The following GLIS3 variants were observed in gnomAD, a reference collection of about 807,000 sequenced individuals.
GLIS3 encodes zinc finger protein GLIS3.
Under a neutral mutation model 78.6 loss-of-function variants are expected in GLIS3, and 53 were observed. The ratio of observed to expected loss-of-function variants is 0.67; its 90% CI spans 0.54 to 0.85. GLIS3 has a LOEUF of 0.85. GLIS3 is among the 40% of genes least tolerant of loss of function. GLIS3 has a pLI of 0.00. For synonymous variants in GLIS3, 684 were observed against 509.9 expected (o/e 1.34, Z -4.60); for missense variants, 1,703 against 1,231.1 (o/e 1.38, Z -5.74).
chr9:4,379,398 A>C, the GLIS3 span, among the ~76,000 whole-genome samples: 1 of 152,268 alleles, frequency 6.6e-6, no homozygotes, highest in African/African-American at 2.4e-5. Context: ...TTCAAATGCT[A>C]AAGATAACAA....
At chr9:4,330,777 C>A (rs1817673897) in intron 2 of GLIS3, among the ~76,000 whole-genome samples, 2 of 152,080 alleles carry the variant, frequency 1.3e-5, no homozygotes, top group Admixed American at 1.3e-4. Context: ...GGACTGGACT[C>A]AGGAGATAAC....
the GLIS3 span, among the ~76,000 whole-genome samples, chr9:4,367,806 T>C: frequency 6.6e-6 from 1 of 152,202 alleles, no homozygotes. Flanking sequence ...ATTTATTATA[T>C]GCCAAATATG....
At chr9:3,874,114 G>T (rs1460762886) in intron 8 of GLIS3, among the ~76,000 whole-genome samples, 1 of 152,264 alleles carries the variant, frequency 6.6e-6, no homozygotes, top group Admixed American at 6.5e-5. Context: ...CTGCCTGAAA[G>T]AATGAGACTG....
At chr9:4,323,749 C>T (rs913526864) in intron 2 of GLIS3, among the ~76,000 whole-genome samples, 5 of 152,186 alleles carry the variant, frequency 3.3e-5, no homozygotes, top group African/African-American at 1.2e-4. Context: ...ACTGGAAGCT[C>T]CTTAAAGGCA....
chr9:3,979,128 G>A (rs969597686), intron 4 of GLIS3, among the ~76,000 whole-genome samples: 1 of 152,016 alleles, frequency 6.6e-6, no homozygotes, highest in East Asian at 1.9e-4. Context: ...TGTTCTAATG[G>A]GTAGAGAATA....
chr9:4,381,868 C>T, the GLIS3 span, among the ~76,000 whole-genome samples: 14 of 152,194 alleles, frequency 9.2e-5, no homozygotes, highest in East Asian at 2.7e-3. Flanking sequence ...CTGGAAGTAG[C>T]TGTGCCCCTT....
chr9:3,900,488 C>A (rs946555048), intron 6 of GLIS3, among the ~76,000 whole-genome samples: 10 of 151,872 alleles, frequency 6.6e-5, no homozygotes, highest in Middle Eastern at 3.4e-3. Flanking sequence ...ATTTGTACCC[C>A]CCCCAAAATA....
At chr9:4,333,341 GA>G (rs1386080360) in intron 2 of GLIS3, among the ~76,000 whole-genome samples, 1 of 150,038 alleles carries the variant, frequency 6.7e-6, no homozygotes, top group Non-Finnish European at 1.5e-5. Flanking sequence ...GGAAAGGAAA[GA>G]AAAAAGGGAA....
the GLIS3 span, among the ~76,000 whole-genome samples, chr9:4,419,336 G>C: frequency 6.6e-6 from 1 of 152,124 alleles, no homozygotes; most frequent in Admixed American, 6.5e-5. Flanking sequence ...AACTTAAAAA[G>C]AAAAGAGGTT....
chr9:4,162,193 C>T (rs925380264), intron 2 of GLIS3, among the ~76,000 whole-genome samples: 1 of 152,154 alleles, frequency 6.6e-6, no homozygotes, highest in African/African-American at 2.4e-5. Context: ...ACCCTGCATT[C>T]TTGTCTCTGT....
chr9:3,932,400 A>G lies in GLIS3; in HGVS notation c.1943T>C (p.Val648Ala). The G allele has an allele frequency of 6.2e-7, 1 of 1,613,860 alleles. No individual in the cohort carries two copies. The highest frequency in any genetic ancestry group is 8.5e-7 in the Non-Finnish European group (1 of 1,179,832). Residue 648 changes from valine (V) to alanine (A), a missense_variant, in exon 6 of 11, where the codon GTG (valine) becomes GCG (alanine). Coordinates refer to ENST00000381971, the MANE Select transcript of GLIS3 (RefSeq NM_001042413.2). ...YTDPSSLRKHVKAHSSKEQQA... is the reference protein window; with the variant it reads ...YTDPSSLRKHAKAHSSKEQQA... ...TTGCTCTTTGGAAGAATGTGCCTTC[A>G]CATGCTTTCTTAGGGAACTTGGGTC...
chr9:4,343,640 A>G (rs1817866871), intron 2 of GLIS3, among the ~76,000 whole-genome samples: 4 of 152,258 alleles, frequency 2.6e-5, no homozygotes, highest in Admixed American at 2.6e-4. Flanking sequence ...ACTAGTCACA[A>G]TAATAAAGAC....
At chr9:4,373,492 C>T in the GLIS3 span, among the ~76,000 whole-genome samples, 1 of 152,166 alleles carries the variant, frequency 6.6e-6, no homozygotes, top group Non-Finnish European at 1.5e-5. Flanking sequence ...GGGGGAAAAA[C>T]TGTTGAAGCT....
intron 2 of GLIS3, among the ~76,000 whole-genome samples, chr9:4,270,439 C>A (rs1306939217): frequency 3.3e-5 from 5 of 152,094 alleles, no homozygotes; most frequent in African/African-American, 1.2e-4. Context: ...TCAGGGTCTC[C>A]CTAGGATGTA....
intron 2 of GLIS3, among the ~76,000 whole-genome samples, chr9:4,198,575 T>C (rs567667331): frequency 6.6e-6 from 1 of 152,034 alleles, no homozygotes; most frequent in Non-Finnish European, 1.5e-5. Context: ...AACTGACAGA[T>C]CTTACAAATT....
At chr9:4,138,743 T>C (rs1833591994) in intron 2 of GLIS3, among the ~76,000 whole-genome samples, 1 of 152,188 alleles carries the variant, frequency 6.6e-6, no homozygotes, top group Non-Finnish European at 1.5e-5. Flanking sequence ...TGTTCCCACC[T>C]TCATAAGGCT....
chr9:4,165,567 C>T (rs747519408), intron 2 of GLIS3, among the ~76,000 whole-genome samples: 2 of 152,218 alleles, frequency 1.3e-5, no homozygotes, highest in Non-Finnish European at 2.9e-5. Context: ...TACAGTCTGA[C>T]ATAAAGCTAC....
At chr9:4,394,723 C>T in the GLIS3 span, among the ~76,000 whole-genome samples, 3 of 152,192 alleles carry the variant, frequency 2.0e-5, no homozygotes, top group Non-Finnish European at 2.9e-5. Context: ...TCTGACTCTA[C>T]GTTTGTTTTT....
chr9:3,959,121 T>G (rs1817364735), intron 4 of GLIS3, among the ~76,000 whole-genome samples: 1 of 152,232 alleles, frequency 6.6e-6, no homozygotes, highest in Non-Finnish European at 1.5e-5. Context: ...GGTGATGGTA[T>G]CAGGAAGTGG....
Sources: gnomAD v4.1 joint callset for allele counts (sites outside exome capture counted in the v4.1 genomes callset) on GRCh38, gnomAD v4.1.1 for gene constraint, MANE v1.5 for transcripts, NCBI Gene and HGNC (gene_info 2026-07-23, HGNC 2026-07-21) for gene names.